The following PXDNL variants were observed in gnomAD, a reference collection of about 807,000 sequenced individuals.
PXDNL encodes the protein peroxidasin like, also known as probable oxidoreductase PXDNL.
Under a neutral mutation model 150.8 loss-of-function variants are expected in PXDNL, and 145 were observed. The ratio of observed to expected loss-of-function variants is 0.96; its 90% CI spans 0.84 to 1.10. The LOEUF (loss-of-function observed/expected upper bound fraction) is 1.10. Ranked by LOEUF, PXDNL falls within the 50% of genes least tolerant of loss-of-function variation. The probability of loss-of-function intolerance (pLI) is 0.00; values close to 1 mark genes in which losing one functional copy is unlikely to be tolerated. For synonymous variants in PXDNL, 757 were observed against 725.7 expected, an observed-to-expected ratio of 1.04 and a Z score of -0.69; for missense variants, 2,087 against 1,873.9, an observed-to-expected ratio of 1.11 and a Z score of -2.10.
intron 1 of PXDNL, among the ~76,000 whole-genome samples, chr8:51,696,703 C>CCACACACACACACA (rs1420422806): frequency 2.9e-4 from 1 of 3,470 alleles, no homozygotes; most frequent in African/African-American, 1.2e-3. Context: ...CCACACACAT[C>CCACACACACACACA]CACACACAGG....
intron 4 of PXDNL, among the ~76,000 whole-genome samples, chr8:51,508,330 G>T (rs1811334627): frequency 6.6e-6 from 1 of 152,216 alleles, no homozygotes; most frequent in Non-Finnish European, 1.5e-5. Context: ...GAAAAACAAG[G>T]CTGTGAATTT....
At chr8:51,564,816 T>C (rs979962971) in intron 3 of PXDNL, among the ~76,000 whole-genome samples, 4 of 151,974 alleles carry the variant, frequency 2.6e-5, no homozygotes, top group African/African-American at 9.7e-5. Flanking sequence ...GGGAAAGCAA[T>C]TAACTTTGAT....
intron 2 of PXDNL, among the ~76,000 whole-genome samples, chr8:51,598,102 C>T (rs1297316180): frequency 6.6e-6 from 1 of 152,004 alleles, no homozygotes; most frequent in African/African-American, 2.4e-5. Context: ...TATTTTGTAT[C>T]CTGAACTTTG....
chr8:51,598,541 TTTATTGATTTTCATATGCTGAACCA>T (rs1813623832), intron 2 of PXDNL, among the ~76,000 whole-genome samples: 1 of 152,182 alleles, frequency 6.6e-6, no homozygotes, highest in Non-Finnish European at 1.5e-5. Flanking sequence ...CATTCTCACA[TTTATTGATTTTCATATGCTGAACCA>T]ATCTTGAATC....
intron 1 of PXDNL, among the ~76,000 whole-genome samples, chr8:51,712,508 T>G (rs1816521613): frequency 6.6e-6 from 1 of 152,232 alleles, no homozygotes; most frequent in Non-Finnish European, 1.5e-5. Context: ...TTTCTCTGTT[T>G]AACTCACTCA....
chr8:51,526,337 G>GT lies in PXDNL; in HGVS notation c.381-26568dup, dbSNP rs10635094. ...TCCCGTACCACTAAGTAGCTGATCTGTTTTTTTTTCTTTTTTTTTTAAATT... is the reference window on the plus strand; with the variant it reads ...TCCCGTACCACTAAGTAGCTGATCTGTTTTTTTTTTCTTTTTTTTTTAAATT... On this transcript the variant is annotated intron_variant, in intron 4 of 22. Transcript: ENST00000356297. 7.0e-3 allele frequency among the ~76,000 whole-genome samples: 1,055 copies of GT among 150,736 alleles called. 14 individuals are homozygous for GT. Among genetic ancestry groups the GT allele is most frequent in the African/African-American group, 0.024 (1,000 of 40,942 alleles).
chr8:51,495,523 A>T (rs1811024861), intron 5 of PXDNL, among the ~76,000 whole-genome samples: 2 of 152,252 alleles, frequency 1.3e-5, no homozygotes, highest in Admixed American at 1.3e-4. Flanking sequence ...CAAAATTGAT[A>T]GACCGCTAGC....
intron 1 of PXDNL, among the ~76,000 whole-genome samples, chr8:51,766,232 G>C (rs2037230564): frequency 6.6e-6 from 1 of 152,120 alleles, no homozygotes; most frequent in South Asian, 2.1e-4. Context: ...TAATAGTATA[G>C]AAAAAATTTT....
In PXDNL at chr8:51,466,080, G is replaced by A. The variant is rs1187725565; in HGVS notation, c.812+6107C>T. Among the ~76,000 whole-genome samples, 4 of 151,652 alleles carry A rather than the reference G, an allele frequency of 2.6e-5. No homozygotes were observed. In the East Asian group the frequency reaches 5.8e-4, roughly 22 times the overall value. On this transcript the variant is annotated intron_variant, in intron 8 of 22. Transcript: ENST00000356297. ...AAAATTCATATGAAACAGAAAAAGA[G>A]CCTGAGTAGCCAAAGCAATTCTAAG...
At chr8:51,567,185 A>G (rs886609157) in intron 3 of PXDNL, among the ~76,000 whole-genome samples, 2 of 151,718 alleles carry the variant, frequency 1.3e-5, no homozygotes, top group Non-Finnish European at 2.9e-5. Context: ...GATGTGTTGT[A>G]TGGCATATAA....
At chr8:51,793,309 C>A (rs2037530620) in intron 1 of PXDNL, among the ~76,000 whole-genome samples, 1 of 152,026 alleles carries the variant, frequency 6.6e-6, no homozygotes, top group Non-Finnish European at 1.5e-5. Flanking sequence ...ACAAAAAAGC[C>A]CCCACAAAAA....
At chr8:51,545,539 G>A (rs879709891) in intron 4 of PXDNL, among the ~76,000 whole-genome samples, 1 of 152,152 alleles carries the variant, frequency 6.6e-6, no homozygotes, top group Non-Finnish European at 1.5e-5. Context: ...TCATGGCTCT[G>A]AAGGCTGGGA....
At chr8:51,442,080 G>A (rs1422282891) in intron 12 of PXDNL, among the ~76,000 whole-genome samples, 1 of 151,940 alleles carries the variant, frequency 6.6e-6, no homozygotes, top group East Asian at 1.9e-4. Context: ...AAACCCATGT[G>A]ACATGGACCC....
intron 1 of PXDNL, among the ~76,000 whole-genome samples, chr8:51,730,919 A>G (rs527900255): frequency 6.6e-6 from 1 of 152,266 alleles, no homozygotes; most frequent in South Asian, 2.1e-4. Context: ...CCATGATTCA[A>G]TTACCTCCCA....
At chr8:51,541,269 A>G (rs917557646) in intron 4 of PXDNL, among the ~76,000 whole-genome samples, 7 of 151,246 alleles carry the variant, frequency 4.6e-5, no homozygotes, top group Non-Finnish European at 1.0e-4. Flanking sequence ...AAAAAAAAAA[A>G]AGAATATTGG....
intron 8 of PXDNL, among the ~76,000 whole-genome samples, chr8:51,468,930 T>A (rs1482113118): frequency 6.6e-6 from 1 of 152,028 alleles, no homozygotes; most frequent in African/African-American, 2.4e-5. Flanking sequence ...TCTAAGTGTA[T>A]TCATATTTAT....
At chr8:51,710,330 A>G (rs1641269200) in intron 1 of PXDNL, among the ~76,000 whole-genome samples, 1 of 152,250 alleles carries the variant, frequency 6.6e-6, no homozygotes. Flanking sequence ...ACAAAGAAAA[A>G]TTATACATAT....
At chr8:51,370,039 T>A (rs1278011698) in intron 19 of PXDNL, among the ~76,000 whole-genome samples, 1 of 152,136 alleles carries the variant, frequency 6.6e-6, no homozygotes, top group Admixed American at 6.5e-5. Flanking sequence ...CAGGTGGCGG[T>A]GCGCACAGAG....
chr8:51,683,690 A>C (rs1270934446), intron 1 of PXDNL, among the ~76,000 whole-genome samples: 3 of 152,158 alleles, frequency 2.0e-5, no homozygotes, highest in African/African-American at 7.2e-5. Flanking sequence ...TTCTCCTCTA[A>C]GCTCCTCTAA....
Sources: allele counts gnomAD v4.1 joint callset (sites outside exome capture counted in the v4.1 genomes callset), GRCh38; gene constraint gnomAD v4.1.1; transcripts MANE v1.5; gene names NCBI Gene and HGNC (gene_info 2026-07-23, HGNC 2026-07-21).